KCTD20: variants seen among roughly 807,000 people sequenced by gnomAD.
KCTD20 encodes the protein BTB/POZ domain-containing protein KCTD20.
A neutral mutation model predicts 39.6 loss-of-function variants in KCTD20; 30 were observed. The ratio of observed to expected loss-of-function variants is 0.76; its 90% CI spans 0.57 to 1.03. The LOEUF (loss-of-function observed/expected upper bound fraction) is 1.03. Among genes scored for constraint, KCTD20 ranks in the 50% least tolerant of loss-of-function variants. The pLI is 0.00. For synonymous variants in KCTD20, 162 were observed against 180.6 expected (o/e 0.90, Z 0.83); for missense variants, 422 against 522.0 (o/e 0.81, Z 1.87).
At chr6:36,459,358 T>G (rs1270878941) in intron 1 of KCTD20, among the ~76,000 whole-genome samples, 1 of 152,192 alleles carries the variant, frequency 6.6e-6, no homozygotes, top group African/African-American at 2.4e-5. Flanking sequence ...GGATAGCCCT[T>G]CCCAAGGAAG....
At chr6:36,447,478 A>G (rs1466379275) in intron 1 of KCTD20, among the ~76,000 whole-genome samples, 1 of 151,964 alleles carries the variant, frequency 6.6e-6, no homozygotes, top group Admixed American at 6.6e-5. Flanking sequence ...AAAATTCAGA[A>G]AATTAGCTGG....
At chr6:36,480,410 C>CTTTTTT (rs550520667) in intron 5 of KCTD20, among the ~76,000 whole-genome samples, 18 of 121,738 alleles carry the variant, frequency 1.5e-4, no homozygotes, top group Admixed American at 2.5e-4. Context: ...ATGATATTGC[C>CTTTTTT]TTTTTTTTTT....
intron 1 of KCTD20, among the ~76,000 whole-genome samples, chr6:36,445,524 C>A (rs758328086): frequency 6.6e-6 from 1 of 152,114 alleles, no homozygotes; most frequent in Non-Finnish European, 1.5e-5. Context: ...CTTCCTCTGG[C>A]CTTCAATCTG....
rs1774917380 is a variant in KCTD20, at chr6:36,443,041, G to GCTGCGCGGC, written c.-109_-101dup. On this transcript the variant is annotated 5_prime_UTR_variant, in exon 1 of 8. Coordinates refer to ENST00000373731, the MANE Select transcript of KCTD20 (RefSeq NM_173562.5). Reference sequence around the variant, plus strand: ...CAGCCGGTCCCGGCTGCGGCTTCTGGCTGCGCGGCCTGCGCGCGCCTCCCG... The same window carrying GCTGCGCGGC: ...CAGCCGGTCCCGGCTGCGGCTTCTGGCTGCGCGGCCTGCGCGGCCTGCGCGCGCCTCCCG... 1 of 151,394 alleles carries GCTGCGCGGC rather than the reference G, an allele frequency of 6.6e-6. No individual in the cohort carries two copies. The highest frequency in any genetic ancestry group is 1.5e-5 in the Non-Finnish European group (1 of 67,802). 9.4% of individuals were successfully genotyped at this position (151,394 alleles called of 1,614,324 possible).
chr6:36,461,345 T>G (rs534946455), intron 1 of KCTD20, among the ~76,000 whole-genome samples: 3 of 152,286 alleles, frequency 2.0e-5, no homozygotes, highest in Non-Finnish European at 4.4e-5. Context: ...TGGTAGGCAT[T>G]TGAAGTGCTA....
intron 3 of KCTD20, 83 bp downstream of exon 3, chr6:36,475,145 C>T: frequency 1.4e-6 from 2 of 1,442,184 alleles, no homozygotes; most frequent in Non-Finnish European, 1.9e-6. Flanking sequence ...TTAGATATAA[C>T]AGTAAAAAGT....
At chr6:36,470,585 TCTTTA>T (rs1003528636) in intron 2 of KCTD20, among the ~76,000 whole-genome samples, 7 of 152,160 alleles carry the variant, frequency 4.6e-5, no homozygotes, top group African/African-American at 9.7e-5. Flanking sequence ...CCCTGCTTTT[TCTTTA>T]CTTTATTTTT....
At chr6:36,466,928 C>T (rs954586670) in intron 1 of KCTD20, among the ~76,000 whole-genome samples, 2 of 152,086 alleles carry the variant, frequency 1.3e-5, no homozygotes, top group African/African-American at 4.8e-5. Flanking sequence ...TTTGTTCCAT[C>T]ATTCTGGGAT....
rs1027920609 is a variant in KCTD20, at chr6:36,488,166, C to G, written c.*991C>G. ...GGTGGGAAGCATCATCTGCACAGTCCCTGTCCTAGTGCAGGACTTTTCTCT... is the reference window on the plus strand; with the variant it reads ...GGTGGGAAGCATCATCTGCACAGTCGCTGTCCTAGTGCAGGACTTTTCTCT... On this transcript the variant is annotated 3_prime_UTR_variant, in exon 8 of 8. Transcript: ENST00000373731. 1.3e-5 allele frequency: 2 copies of G among 152,190 alleles called. No individual in the cohort carries two copies. Among genetic ancestry groups the G allele is most frequent in the East Asian group, 3.8e-4 (2 of 5,204 alleles). 9.4% of individuals were successfully genotyped at this position (152,190 alleles called of 1,614,324 possible). A position where few individuals can be genotyped will look rare whatever the true frequency, so the allele number is the denominator to read the frequency against.
chr6:36,447,100 T>C (rs145178072), intron 1 of KCTD20, among the ~76,000 whole-genome samples: 9 of 152,256 alleles, frequency 5.9e-5, no homozygotes, highest in East Asian at 3.9e-4. Context: ...TTATATTTCA[T>C]TGGGAAGTGG....
intron 2 of KCTD20, 111 bp downstream of exon 2, chr6:36,470,368 CT>C: frequency 9.6e-7 from 1 of 1,038,948 alleles, no homozygotes; most frequent in Non-Finnish European, 1.4e-6. Context: ...CAATTAATTG[CT>C]TAGCTTGCAT....
At chr6:36,473,608 TA>T (rs1263327820) in intron 2 of KCTD20, among the ~76,000 whole-genome samples, 5 of 151,342 alleles carry the variant, frequency 3.3e-5, no homozygotes, top group African/African-American at 9.7e-5. Flanking sequence ...TTGTCTCTAC[TA>T]AAAAATACAA....
At chr6:36,474,314 TG>T (rs1407808034) in intron 2 of KCTD20, among the ~76,000 whole-genome samples, 3 of 149,980 alleles carry the variant, frequency 2.0e-5, no homozygotes, top group African/African-American at 7.4e-5. Context: ...TGAATAGTTT[TG>T]GCACATATTA....
At chr6:36,472,185 G>A (rs770289209) in intron 2 of KCTD20, among the ~76,000 whole-genome samples, 2 of 152,162 alleles carry the variant, frequency 1.3e-5, no homozygotes, top group Middle Eastern at 3.2e-3. Context: ...AGCACCTCAC[G>A]TGTGAAAGCC....
chr6:36,470,535 ATTAG>A (rs1775880270), intron 2 of KCTD20, among the ~76,000 whole-genome samples: 1 of 152,208 alleles, frequency 6.6e-6, no homozygotes, highest in Non-Finnish European at 1.5e-5. Flanking sequence ...TCAGCTGCTT[ATTAG>A]TTGTAACCAT....
At chr6:36,448,870 G>A (rs777431898) in intron 1 of KCTD20, among the ~76,000 whole-genome samples, 1 of 152,068 alleles carries the variant, frequency 6.6e-6, no homozygotes, top group African/African-American at 2.4e-5. Flanking sequence ...CAGTGGGTTC[G>A]TGGTCTTGCT....
chr6:36,446,643 C>T (rs564059945), intron 1 of KCTD20, among the ~76,000 whole-genome samples: 219 of 152,206 alleles, frequency 1.4e-3, no homozygotes, highest in Non-Finnish European at 2.5e-3. Context: ...AATTAAAAAA[C>T]GAACAAAGAA....
chr6:36,490,048 G>A lies in KCTD20; in HGVS notation c.*2873G>A. On this transcript the variant is annotated 3_prime_UTR_variant, in exon 8 of 8. Transcript: ENST00000373731. Reference sequence around the variant, plus strand: ...TACTACTTTAAATCCCAAGAGAACAGTGTGATGTCTAATATATACAGGTCT... The same window carrying A: ...TACTACTTTAAATCCCAAGAGAACAATGTGATGTCTAATATATACAGGTCT... 6.6e-6 allele frequency: 1 copy of A among 152,212 alleles called. No individual in the cohort carries two copies. The highest frequency in any genetic ancestry group is 1.5e-5 in the Non-Finnish European group (1 of 68,038). The allele number at this position is 152,212 out of a possible 1,614,324, so 9.4% of individuals were successfully genotyped here.
intron 5 of KCTD20, among the ~76,000 whole-genome samples, chr6:36,480,685 T>C (rs1776217701): frequency 6.6e-6 from 1 of 152,048 alleles, no homozygotes; most frequent in South Asian, 2.1e-4. Flanking sequence ...CCAGAGCAGC[T>C]GGGATTACGG....
Sources: gnomAD v4.1 joint callset for allele counts (sites outside exome capture counted in the v4.1 genomes callset) on GRCh38, gnomAD v4.1.1 for gene constraint, MANE v1.5 for transcripts, NCBI Gene and HGNC (gene_info 2026-07-23, HGNC 2026-07-21) for gene names.